FRMPD4: variants seen among roughly 807,000 people sequenced by gnomAD.
FRMPD4 encodes FERM and PDZ domain containing 4, also known as FERM and PDZ domain-containing protein 4.
A neutral mutation model predicts 94.1 loss-of-function variants in FRMPD4; 22 were observed. The observed-to-expected ratio is 0.23, with a 90% confidence interval of 0.17 to 0.33. The LOEUF is 0.33. FRMPD4 is among the 10% of genes least tolerant of loss of function. The probability of loss-of-function intolerance (pLI) is 1.00; values close to 1 mark genes in which losing one functional copy is unlikely to be tolerated. For synonymous variants in FRMPD4, 631 were observed against 548.6 expected (o/e 1.15, Z -2.10); for missense variants, 1,111 against 1,339.9 (o/e 0.83, Z 2.67).
chrX:12,461,780 A>G (rs756126622), intron 1 of FRMPD4, among the ~76,000 whole-genome samples: 2 of 111,806 alleles, frequency 1.8e-5, no homozygotes, highest in Non-Finnish European at 3.8e-5. Flanking sequence ...CACTATTCAT[A>G]CTACTAGCCC....
At chrX:12,595,647 T>A (rs1014068743) in intron 2 of FRMPD4, among the ~76,000 whole-genome samples, 2 of 112,178 alleles carry the variant, frequency 1.8e-5, no homozygotes, top group African/African-American at 6.5e-5. Flanking sequence ...GAAGTAAAAA[T>A]GTTCTTTGAG....
intron 1 of FRMPD4, among the ~76,000 whole-genome samples, chrX:12,299,558 C>G (rs2054826804): frequency 9.9e-6 from 1 of 100,885 alleles, no homozygotes; most frequent in Non-Finnish European, 2.0e-5. Context: ...TTATTTTTCT[C>G]TAGAAATGAC....
intron 4 of FRMPD4, among the ~76,000 whole-genome samples, chrX:12,647,968 GC>G (rs1023900682): frequency 1.8e-5 from 2 of 111,165 alleles, no homozygotes; most frequent in Admixed American, 1.9e-4. Context: ...ATAAAAATCA[GC>G]ATTCAAATAT....
At chrX:12,350,883 G>A (rs5978525) in intron 1 of FRMPD4, among the ~76,000 whole-genome samples, 17,186 of 112,021 alleles carry the variant, frequency 0.15, 1,497 homozygotes, top group Admixed American at 0.3. Flanking sequence ...TGCCTATAAT[G>A]TGTGATTATT....
At chrX:11,888,091 T>A (rs1342781305) in intron 3 of FRMPD4, among the ~76,000 whole-genome samples, 5 of 112,317 alleles carry the variant, frequency 4.5e-5, no homozygotes, top group African/African-American at 1.3e-4. Context: ...TTGAACTCAT[T>A]TTATTGGACT....
At position 11,921,480 on chromosome X, in the gene FRMPD4, T is replaced by G. The variant is rs762117851; in HGVS notation, c.95+43462T>G. ...GGGGTTAGGGTTTCAATTTATGCAT[T>G]TGTGGGGGGACATGATTCAGTCCAT... On this transcript the variant is annotated intron_variant, in intron 3 of 18. Transcript: ENST00000640291. 2.3e-4 allele frequency among the ~76,000 whole-genome samples: 25 copies of G among 108,406 alleles called. No homozygotes were observed. The East Asian group carries it at 7.8e-3, about 34-fold the overall frequency. 94.1% of individuals were successfully genotyped at this position (108,406 alleles called of 115,157 possible).
chrX:12,114,009 A>G (rs1346482143), intron 3 of FRMPD4, among the ~76,000 whole-genome samples: 4 of 111,972 alleles, frequency 3.6e-5, no homozygotes, highest in African/African-American at 1.3e-4. Context: ...AAGTGACTCC[A>G]ATATTTTCCT....
In FRMPD4 at chrX:12,719,994, A is replaced by AGAAAG. The variant is rs771686552; in HGVS notation, c.3965-484_3965-480dup. Reference sequence around the variant, plus strand: ...CACTTCTTTAAAAGAAAGAAAGGAAAGAAAGGAAAGGAAAGGAAAGGAAAG... The same window carrying AGAAAG: ...CACTTCTTTAAAAGAAAGAAAGGAAAGAAAGGAAAGGAAAGGAAAGGAAAGGAAAG... On this transcript the variant is annotated intron_variant, in intron 16 of 16. Transcript: ENST00000675598. 1.2e-3 allele frequency among the ~76,000 whole-genome samples: 96 copies of AGAAAG among 81,946 alleles called. 4 individuals carry two copies. Among genetic ancestry groups the AGAAAG allele is most frequent in the South Asian group, 4.5e-3 (7 of 1,566 alleles). The allele number at this position is 81,946 out of a possible 115,157, so 71.2% of individuals were successfully genotyped here.
intron 3 of FRMPD4, among the ~76,000 whole-genome samples, chrX:11,964,892 C>T (rs1199343719): frequency 2.7e-5 from 3 of 112,789 alleles, no homozygotes; most frequent in African/African-American, 9.7e-5. Flanking sequence ...AATCTATTTC[C>T]TTGCCCTTTC....
rs1258903962 is a variant in FRMPD4, at chrX:12,045,216, A to G, written c.95+167198A>G. ...AATGGCAGAACTGAGTAGTTTCAAC[A>G]GAGACCACATGGCCTACAAAGCCTG... is the stretch of plus-strand genomic sequence containing the variant. On this transcript the variant is annotated intron_variant, in intron 3 of 18. Transcript: ENST00000640291. Among the ~76,000 whole-genome samples, 36 of 112,130 alleles carry G rather than the reference A, an allele frequency of 3.2e-4. 2 individuals are homozygous for G.
chrX:12,101,694 A>T (rs2030876), intron 3 of FRMPD4, among the ~76,000 whole-genome samples: 8,557 of 111,264 alleles, frequency 0.077, 894 homozygotes, highest in East Asian at 0.59. Context: ...TAAAATAAAA[A>T]ATTCGGACCG....
intron 3 of FRMPD4, among the ~76,000 whole-genome samples, chrX:11,975,884 C>G (rs1267774055): frequency 8.9e-6 from 1 of 111,975 alleles, no homozygotes; most frequent in African/African-American, 3.2e-5. Context: ...CATTTATTTG[C>G]TGAATTATGT....
At chrX:11,963,192 A>C (rs753102324) in intron 3 of FRMPD4, among the ~76,000 whole-genome samples, 2 of 112,517 alleles carry the variant, frequency 1.8e-5, no homozygotes, top group Non-Finnish European at 3.8e-5. Flanking sequence ...TGTGAAGCAC[A>C]GGTGATACAT....
At chrX:12,168,893 G>T (rs149736626) in intron 1 of FRMPD4, among the ~76,000 whole-genome samples, 5,571 of 111,623 alleles carry the variant, frequency 0.05, 215 homozygotes, top group African/African-American at 0.13. Flanking sequence ...CCAGAGTGCT[G>T]GGATTACAGG....
At chrX:12,635,918 C>A (rs1265409126) in intron 4 of FRMPD4, among the ~76,000 whole-genome samples, 6 of 111,771 alleles carry the variant, frequency 5.4e-5, no homozygotes, top group Non-Finnish European at 1.1e-4. Flanking sequence ...CTCATGACCA[C>A]ACACCATACT....
chrX:11,964,419 C>T (rs2077167922), intron 3 of FRMPD4, among the ~76,000 whole-genome samples: 2 of 111,008 alleles, frequency 1.8e-5, no homozygotes, highest in Non-Finnish European at 3.8e-5. Context: ...GCTGGGATTA[C>T]ATGCGTGAGC....
At chrX:12,653,733 T>TAAA (rs35537156) in intron 4 of FRMPD4, among the ~76,000 whole-genome samples, 90 of 93,466 alleles carry the variant, frequency 9.6e-4, no homozygotes, top group African/African-American at 3.1e-3. Flanking sequence ...TATGACTTAC[T>TAAA]AAAAAAAAAA....
intron 4 of FRMPD4, among the ~76,000 whole-genome samples, chrX:12,641,220 G>A (rs1223445930): frequency 1.8e-5 from 2 of 111,141 alleles, no homozygotes; most frequent in African/African-American, 6.6e-5. Flanking sequence ...AAGAAAAGGA[G>A]GGCAAACATA....
intron 3 of FRMPD4, among the ~76,000 whole-genome samples, chrX:12,023,074 A>G (rs1302993764): frequency 9.0e-6 from 1 of 111,668 alleles, no homozygotes; most frequent in Non-Finnish European, 1.9e-5. Context: ...TGACTATGTC[A>G]TAAAGTTGGA....
Sources: gnomAD v4.1 joint callset for allele counts (sites outside exome capture counted in the v4.1 genomes callset) on GRCh38, gnomAD v4.1.1 for gene constraint, MANE v1.5 for transcripts, NCBI Gene and HGNC (gene_info 2026-07-23, HGNC 2026-07-21) for gene names.